The following CBLN2 variants were observed in gnomAD, a reference collection of about 807,000 sequenced individuals.
The protein encoded by CBLN2 is cerebellin-2.
A neutral mutation model predicts 15.0 loss-of-function variants in CBLN2; 7 were observed. That is an observed-to-expected ratio of 0.47 (90% CI 0.27 to 0.88). The LOEUF (loss-of-function observed/expected upper bound fraction) is 0.88. Ranked by LOEUF, CBLN2 falls within the 40% of genes least tolerant of loss-of-function variation. The probability of loss-of-function intolerance (pLI) is 0.14; values close to 1 mark genes in which losing one functional copy is unlikely to be tolerated. For synonymous variants in CBLN2, 149 were observed against 135.2 expected (o/e 1.10, Z -0.71); for missense variants, 242 against 304.5 (o/e 0.79, Z 1.53).
chr18:72,624,151 G>A (rs938734194), intron 1 of CBLN2, among the ~76,000 whole-genome samples: 2 of 151,786 alleles, frequency 1.3e-5, no homozygotes, highest in African/African-American at 4.8e-5. Context: ...GAATTTGTCT[G>A]AGTTCAGCAC....
At chr18:72,571,347 T>C (rs1414918732) in intron 1 of CBLN2, among the ~76,000 whole-genome samples, 1 of 152,072 alleles carries the variant, frequency 6.6e-6, no homozygotes, top group Non-Finnish European at 1.5e-5. Flanking sequence ...TGTCACATGC[T>C]CATTGGCTAA....
rs773641162 is a variant in CBLN2, at chr18:72,537,733, G to A, written c.*443C>T. The A allele has an allele frequency of 1.6e-4, 38 of 238,788 alleles. No homozygotes were observed. Among genetic ancestry groups the A allele is most frequent in the Non-Finnish European group, 2.5e-4 (30 of 120,958 alleles). 14.8% of individuals were successfully genotyped at this position (238,788 alleles called of 1,614,324 possible). A position where few individuals can be genotyped will look rare whatever the true frequency, so the allele number is the denominator to read the frequency against. ...CTATACAGACACACACAGAACACAT[G>A]TCAAGGACTGTCCAGCAGGTGGTTC... On this transcript the variant is annotated 3_prime_UTR_variant, in exon 5 of 5. Transcript: ENST00000269503.
chr18:72,592,284 C>A (rs1397101498), intron 1 of CBLN2, among the ~76,000 whole-genome samples: 7 of 151,970 alleles, frequency 4.6e-5, no homozygotes, highest in African/African-American at 1.7e-4. Context: ...TAACTGTTTG[C>A]CATCTGTATG....
Position 72,617,359 on chromosome 18 carries a change from T to G in CBLN2, c.15+20966A>C, listed in dbSNP as rs609943. 4.1e-3 allele frequency among the ~76,000 whole-genome samples: 627 copies of G among 152,250 alleles called. 5 individuals are homozygous for G. The highest frequency in any genetic ancestry group is 0.015 in the African/African-American group (607 of 41,562). ...CATGAATTCTACTAAATAGTTAAAA[T>G]TATGAAAAAAATGTAAATGTGTATG... On this transcript the variant is annotated intron_variant, in intron 1 of 2. Coordinates refer to the CBLN2 transcript ENST00000581073.
At chr18:72,545,371 C>G (rs944951141), upstream of CBLN2, among the ~76,000 whole-genome samples, 19 of 152,206 alleles carry the variant, frequency 1.2e-4, no homozygotes, top group African/African-American at 4.6e-4. Flanking sequence ...ACCTAGCATG[C>G]AAAATAGTAG....
intron 1 of CBLN2, among the ~76,000 whole-genome samples, chr18:72,562,600 G>A (rs1021179041): frequency 6.6e-6 from 1 of 152,108 alleles, no homozygotes; most frequent in Non-Finnish European, 1.5e-5. Context: ...AATTGTGGAA[G>A]ATTATTTTAT....
intron 1 of CBLN2, among the ~76,000 whole-genome samples, chr18:72,555,885 G>A (rs79796489): frequency 0.011 from 1,730 of 152,222 alleles, 37 homozygotes; most frequent in East Asian, 0.076. Context: ...GCACTGTGGG[G>A]TATCCTGTTG....
chr18:72,594,230 A>G (rs928161168), intron 1 of CBLN2, among the ~76,000 whole-genome samples: 4 of 152,186 alleles, frequency 2.6e-5, no homozygotes, highest in Non-Finnish European at 2.9e-5. Flanking sequence ...GTGTATACCT[A>G]TGTAACAAAC....
intron 1 of CBLN2, among the ~76,000 whole-genome samples, chr18:72,561,580 T>C (rs1268832685): frequency 6.6e-6 from 1 of 152,222 alleles, no homozygotes; most frequent in African/African-American, 2.4e-5. Flanking sequence ...TAACAGTGCA[T>C]ACATTATTTA....
chr18:72,606,005 T>G (rs1302219885), intron 1 of CBLN2, among the ~76,000 whole-genome samples: 7 of 152,066 alleles, frequency 4.6e-5, no homozygotes, highest in Non-Finnish European at 8.8e-5. Flanking sequence ...ATCACTCCAG[T>G]GCCAATGTGG....
intron 1 of CBLN2, among the ~76,000 whole-genome samples, chr18:72,556,085 T>C (rs758478365): frequency 6.6e-6 from 1 of 152,180 alleles, no homozygotes; most frequent in Non-Finnish European, 1.5e-5. Context: ...GGATCCCTAA[T>C]TACCTGTCCT....
chr18:72,571,111 G>T lies in CBLN2; in HGVS notation c.16-32339C>A, dbSNP rs528700461. Among the ~76,000 whole-genome samples, 6 of 152,076 alleles carry T rather than the reference G, an allele frequency of 3.9e-5. No homozygotes were observed. The South Asian group carries it at 1.3e-3, about 32-fold the overall frequency. On this transcript the variant is annotated intron_variant, in intron 1 of 2. Transcript: ENST00000581073. ...AGAAGATAAATATTTTATATTGATA[G>T]ATGATAGTATCAGGGCACTTCTAAT...
intron 1 of CBLN2, among the ~76,000 whole-genome samples, chr18:72,634,400 T>A (rs969682687): frequency 6.6e-6 from 1 of 152,090 alleles, no homozygotes; most frequent in Non-Finnish European, 1.5e-5. Flanking sequence ...ATATTGTTTA[T>A]TCCTTATAAA....
At chr18:72,576,479 T>G (rs2069367474) in intron 1 of CBLN2, among the ~76,000 whole-genome samples, 1 of 152,214 alleles carries the variant, frequency 6.6e-6, no homozygotes, top group Non-Finnish European at 1.5e-5. Context: ...GGAGCACTCT[T>G]TAATCAAAGG....
intron 1 of CBLN2, among the ~76,000 whole-genome samples, chr18:72,636,166 TA>T: frequency 6.6e-6 from 1 of 152,350 alleles, no homozygotes; most frequent in African/African-American, 2.4e-5. Flanking sequence ...ATTTTCTTTA[TA>T]AAATGGAACA....
At chr18:72,550,456 G>A (rs2069185012) in intron 1 of CBLN2, among the ~76,000 whole-genome samples, 1 of 152,212 alleles carries the variant, frequency 6.6e-6, no homozygotes, top group Admixed American at 6.5e-5. Flanking sequence ...ATAAGTCAGA[G>A]GGTGGTGAGA....
intron 1 of CBLN2, among the ~76,000 whole-genome samples, chr18:72,574,116 A>G (rs2069349354): frequency 6.6e-6 from 1 of 151,958 alleles, no homozygotes; most frequent in Non-Finnish European, 1.5e-5. Context: ...TTTTTTGCTC[A>G]TTTTTTACTT....
rs564977587 is a variant in CBLN2 at position 72,551,493 on chromosome 18, C to G, written c.16-12721G>C. ...GCTTGAAATAGAATTGACTAAAAACCGACAGAATTAGGTGGACTAAAAGTG... is the reference window on the plus strand; with the variant it reads ...GCTTGAAATAGAATTGACTAAAAACGGACAGAATTAGGTGGACTAAAAGTG... On this transcript the variant is annotated intron_variant, in intron 1 of 2. Coordinates refer to the CBLN2 transcript ENST00000581073. Among the ~76,000 whole-genome samples, 2 of 152,002 alleles carry G rather than the reference C, an allele frequency of 1.3e-5. 1 individual carries two copies. Among genetic ancestry groups the G allele is most frequent in the Admixed American group, 1.3e-4 (2 of 15,256 alleles).
At chr18:72,549,340 T>A (rs1472205048), upstream of CBLN2, among the ~76,000 whole-genome samples, 1 of 152,250 alleles carries the variant, frequency 6.6e-6, no homozygotes, top group Non-Finnish European at 1.5e-5. Context: ...CAGCTGATGC[T>A]GATGCTGCTG....
Sources: allele counts gnomAD v4.1 joint callset (sites outside exome capture counted in the v4.1 genomes callset), GRCh38; gene constraint gnomAD v4.1.1; transcripts MANE v1.5; gene names NCBI Gene and HGNC (gene_info 2026-07-23, HGNC 2026-07-21).